SLAIN2: variants seen among roughly 807,000 people sequenced by gnomAD.
The protein encoded by SLAIN2 is SLAIN motif-containing protein 2.
In SLAIN2, 31 loss-of-function variants were observed where a neutral mutation model predicts 56.6. That is an observed-to-expected ratio of 0.55 (90% CI 0.41 to 0.74). SLAIN2 has a LOEUF of 0.74. Ranked by LOEUF, SLAIN2 falls within the 30% of genes least tolerant of loss-of-function variation. The pLI, the probability that SLAIN2 is intolerant of heterozygous loss-of-function variation, is 0.00. For missense variants in SLAIN2, 777 were observed against 754.2 expected, an observed-to-expected ratio of 1.03 and a Z score of -0.35; for synonymous variants, 317 against 284.9, an observed-to-expected ratio of 1.11 and a Z score of -1.13.
intron 6 of SLAIN2, among the ~76,000 whole-genome samples, chr4:48,416,546 CT>C (rs1474189972): frequency 6.7e-6 from 1 of 148,742 alleles, no homozygotes; most frequent in Non-Finnish European, 1.5e-5. Context: ...ATTGAATACC[CT>C]TTATTTCCTT....
intron 6 of SLAIN2, among the ~76,000 whole-genome samples, chr4:48,414,094 A>G (rs1038916643): frequency 4.1e-4 from 62 of 152,298 alleles, no homozygotes; most frequent in Non-Finnish European, 1.5e-4. Flanking sequence ...CAAGGTTAGG[A>G]TTCTTAGTCA....
At chr4:48,342,171 CG>C (rs1302918738) in intron 1 of SLAIN2, 43 bp downstream of exon 1, 14 of 1,326,506 alleles carry the variant, frequency 1.1e-5, no homozygotes, top group South Asian at 2.0e-5. Context: ...GGGACGGGCC[CG>C]GGGGCGGAGA....
At chr4:48,365,118 T>A (rs1226406376) in intron 1 of SLAIN2, among the ~76,000 whole-genome samples, 3 of 152,122 alleles carry the variant, frequency 2.0e-5, no homozygotes, top group Non-Finnish European at 4.4e-5. Flanking sequence ...TTTGGTAAGT[T>A]ATATTTTCTT....
Position 48,368,051 on chromosome 4 carries a change from C to CTTTTT in SLAIN2, c.390-1789_390-1785dup, listed in dbSNP as rs36096623. ...TTCACTGAACGTAGTGTTTTTGAGG[C>CTTTTT]TTTTTTTTTTTTTGACAGTGTTGCT... On this transcript the variant is annotated intron_variant, in intron 1 of 7. Coordinates refer to ENST00000264313, the MANE Select transcript of SLAIN2 (RefSeq NM_020846.2). Among the ~76,000 whole-genome samples the CTTTTT allele has an allele frequency of 8.9e-3, 786 of 88,800 alleles. 126 individuals carry two copies. Among genetic ancestry groups the CTTTTT allele is most frequent in the African/African-American group, 0.033 (617 of 18,718 alleles). 58.3% of individuals were successfully genotyped at this position (88,800 alleles called of 152,430 possible).
At position 48,364,678 on chromosome 4, in the gene SLAIN2, G is replaced by C. The variant is rs1234865969; in HGVS notation, c.390-5171G>C. Among the ~76,000 whole-genome samples, 11 of 122,514 alleles carry C rather than the reference G, an allele frequency of 9.0e-5. No individual in the cohort carries two copies. The East Asian group carries it at 2.0e-3, about 22-fold the overall frequency. The allele number at this position is 122,514 out of a possible 152,430, so 80.4% of individuals were successfully genotyped here. A position where few individuals can be genotyped will look rare whatever the true frequency, so the allele number is the denominator to read the frequency against. On this transcript the variant is annotated intron_variant, in intron 1 of 7. Coordinates refer to ENST00000264313, the MANE Select transcript of SLAIN2 (RefSeq NM_020846.2). ...CACTCGCGGTTAGGGGCTGGAGATCGGCCCGGCCAACACAGCGAAACCCTG... is the reference window on the plus strand; with the variant it reads ...CACTCGCGGTTAGGGGCTGGAGATCCGCCCGGCCAACACAGCGAAACCCTG...
At chr4:48,419,627 A>T (rs1335243778) in intron 6 of SLAIN2, among the ~76,000 whole-genome samples, 1 of 152,276 alleles carries the variant, frequency 6.6e-6, no homozygotes, top group East Asian at 1.9e-4. Flanking sequence ...AGCACTTTTT[A>T]AAAATGATTT....
chr4:48,406,525 CTTT>C (rs34797619), intron 6 of SLAIN2, among the ~76,000 whole-genome samples: 70,004 of 134,634 alleles, frequency 0.52, 18,548 homozygotes, highest in South Asian at 0.65. Flanking sequence ...CTCTCTCTCT[CTTT>C]TTTTTTTTTT....
chr4:48,383,658 C>T lies in SLAIN2; in HGVS notation c.1234C>T (p.Arg412Cys), dbSNP rs375370862. 211 of 1,569,750 alleles carry T rather than the reference C, an allele frequency of 1.3e-4. 1 individual carries two copies. Among genetic ancestry groups the T allele is most frequent in the Non-Finnish European group, 1.7e-4 (202 of 1,155,370 alleles). Residue 412 changes from arginine to cysteine, a missense_variant, in exon 6 of 8, where the codon CGC becomes TGC. Physicochemically the swap from Arg to Cys is radical, Grantham distance 180. Coordinates refer to ENST00000264313, the MANE Select transcript of SLAIN2 (RefSeq NM_020846.2). ...SNVKNEEKLR[R>C]SLPNLSRTSN... The stretch of plus-strand genomic sequence containing the variant: ...AAATTCTGTTGCAGAAAAACTAAGA[C>T]GCAGTCTTCCAAACCTGTCCCGAAC...
chr4:48,349,702 T>C (rs1296631492), intron 1 of SLAIN2, among the ~76,000 whole-genome samples: 1 of 152,220 alleles, frequency 6.6e-6, no homozygotes, highest in African/African-American at 2.4e-5. Flanking sequence ...TCTGTGATCA[T>C]GTGGGGATCA....
intron 1 of SLAIN2, among the ~76,000 whole-genome samples, chr4:48,363,970 GGGCTGACCCCCCCCACCTCCCTCCCGGAC>G: frequency 7.7e-6 from 1 of 130,326 alleles, no homozygotes; most frequent in South Asian, 2.8e-4. Context: ...GCCGGGCAGG[GGGCTGACCCCCCCCACCTCCCTCCCGGAC>G]GGGGTGGCTG....
At chr4:48,342,217 G>C (rs1218548301) in intron 1 of SLAIN2, 89 bp downstream of exon 1, 38 of 1,308,884 alleles carry the variant, frequency 2.9e-5, no homozygotes, top group Non-Finnish European at 3.7e-5. Context: ...CGGGCGCCTC[G>C]CTTTGTGTAG....
At position 48,422,792 on chromosome 4, in the gene SLAIN2, T is replaced by G. The variant is rs1399644093; in HGVS notation, c.*715T>G. 6 of 152,238 alleles carry G rather than the reference T, an allele frequency of 3.9e-5. No homozygotes were observed. In the East Asian group the frequency reaches 1.2e-3, roughly 29 times the overall value. The allele number at this position is 152,238 out of a possible 1,614,324, so 9.4% of individuals were successfully genotyped here. On this transcript the variant is annotated 3_prime_UTR_variant, in exon 8 of 8. Transcript: ENST00000264313. ...ATGTTGCATTGACACATCAAACTTG[T>G]GTGTGTTTGTTTTGATTGCCAAAAG...
At chr4:48,412,202 G>A (rs1387238587) in intron 6 of SLAIN2, among the ~76,000 whole-genome samples, 4 of 152,042 alleles carry the variant, frequency 2.6e-5, no homozygotes, top group Non-Finnish European at 5.9e-5. Context: ...TATATATACT[G>A]TGTACTAAAA....
At chr4:48,353,818 A>G (rs1383991751) in intron 1 of SLAIN2, among the ~76,000 whole-genome samples, 1 of 152,222 alleles carries the variant, frequency 6.6e-6, no homozygotes, top group Non-Finnish European at 1.5e-5. Context: ...AACAGTCCGT[A>G]CTTGATGAGA....
chr4:48,369,217 G>T (rs1715602998), intron 1 of SLAIN2, among the ~76,000 whole-genome samples: 1 of 152,162 alleles, frequency 6.6e-6, no homozygotes, highest in South Asian at 2.1e-4. Context: ...GAAAATTTAT[G>T]TACACACTTC....
chr4:48,349,623 C>T lies in SLAIN2; in HGVS notation c.389+7495C>T, dbSNP rs116671835. 8.5e-3 allele frequency among the ~76,000 whole-genome samples: 1,297 copies of T among 152,240 alleles called. 14 individuals are homozygous for T. The highest frequency in any genetic ancestry group is 0.012 in the Non-Finnish European group (791 of 67,992). On this transcript the variant is annotated intron_variant, in intron 1 of 7. Transcript: ENST00000264313. ...GTACTTTTTGTGATTTCCAAGTTTT[C>T]TGATAAGACATGAATTGCTTTTAGA...
chr4:48,376,726 A>G (rs1020257694), intron 2 of SLAIN2, among the ~76,000 whole-genome samples: 2 of 139,352 alleles, frequency 1.4e-5, no homozygotes, highest in East Asian at 2.2e-4. Context: ...GGTTCACGCC[A>G]TTCTCCTGCC....
chr4:48,399,971 G>A (rs890052567), intron 6 of SLAIN2, among the ~76,000 whole-genome samples: 30 of 151,844 alleles, frequency 2.0e-4, no homozygotes, highest in Non-Finnish European at 3.7e-4. Context: ...TTTCTTTTTT[G>A]TTGTATCTTT....
intron 2 of SLAIN2, among the ~76,000 whole-genome samples, chr4:48,373,308 T>C (rs1715719012): frequency 6.6e-6 from 1 of 152,158 alleles, no homozygotes; most frequent in Admixed American, 6.5e-5. Flanking sequence ...TGAAATTCTG[T>C]ACCCGTGTTA....
Sources: allele counts gnomAD v4.1 joint callset (sites outside exome capture counted in the v4.1 genomes callset), GRCh38; gene constraint gnomAD v4.1.1; transcripts MANE v1.5; gene names NCBI Gene and HGNC (gene_info 2026-07-23, HGNC 2026-07-21).